Variants in PARN observed in about 807,000 individuals in gnomAD.
PARN encodes the protein poly(A)-specific ribonuclease PARN.
A neutral mutation model predicts 102.8 loss-of-function variants in PARN; 71 were observed. The ratio of observed to expected loss-of-function variants is 0.69; its 90% CI spans 0.57 to 0.84. The LOEUF (loss-of-function observed/expected upper bound fraction) is 0.84, where lower values mean the gene tolerates loss of function less well. Ranked by LOEUF, PARN falls within the 40% of genes least tolerant of loss-of-function variation. The pLI, the probability that PARN is intolerant of heterozygous loss-of-function variation, is 0.00. For synonymous variants in PARN, 261 were observed against 252.9 expected, an observed-to-expected ratio of 1.03 and a Z score of -0.30; for missense variants, 782 against 760.9, an observed-to-expected ratio of 1.03 and a Z score of -0.33.
chr16:14,597,246 T>A (rs1294503491), intron 12 of PARN, among the ~76,000 whole-genome samples: 1 of 152,242 alleles, frequency 6.6e-6, no homozygotes, highest in Non-Finnish European at 1.5e-5. Context: ...AGGATTTTCA[T>A]GGTCTCAAAG....
At chr16:14,436,850 C>T (rs1960727377) in intron 23 of PARN, 78 bp from the exon 24 acceptor site, 1 of 1,049,678 alleles carries the variant, frequency 9.5e-7, no homozygotes, top group East Asian at 2.6e-5. Flanking sequence ...GACCAGCAGA[C>T]AGACAGAGGG....
intron 1 of PARN, 49 bp from the exon 2 acceptor site, chr16:14,629,723 C>G: frequency 1.4e-6 from 2 of 1,395,840 alleles, no homozygotes; most frequent in Non-Finnish European, 2.0e-6. Context: ...TGAATTCCTG[C>G]TAAGGGGAGA....
At chr16:14,466,785 A>G (rs1962386172) in intron 22 of PARN, among the ~76,000 whole-genome samples, 1 of 151,724 alleles carries the variant, frequency 6.6e-6, no homozygotes, top group African/African-American at 2.4e-5. Context: ...TACCTAAACA[A>G]CAAACTTTAT....
At chr16:14,443,547 C>A (rs1281887782) in intron 23 of PARN, among the ~76,000 whole-genome samples, 3 of 152,112 alleles carry the variant, frequency 2.0e-5, no homozygotes, top group Non-Finnish European at 2.9e-5. Context: ...CCATGTTGGC[C>A]AGGCTGGTCT....
chr16:14,609,158 C>T (rs1052632577), intron 7 of PARN, 35 bp from the exon 8 acceptor site: 1 of 1,029,480 alleles, frequency 9.7e-7, no homozygotes, highest in Non-Finnish European at 1.5e-6. Flanking sequence ...CCATCAGTAC[C>T]TTTAAGGAAT....
chr16:14,625,023 AG>A (rs1972557742), intron 5 of PARN, among the ~76,000 whole-genome samples: 1 of 152,046 alleles, frequency 6.6e-6, no homozygotes, highest in Non-Finnish European at 1.5e-5. Context: ...CAAAAAAAAA[AG>A]AACAAAGTGC....
intron 21 of PARN, among the ~76,000 whole-genome samples, chr16:14,538,142 A>G (rs1966692992): frequency 6.6e-6 from 1 of 152,120 alleles, no homozygotes; most frequent in African/African-American, 2.4e-5. Flanking sequence ...GAAACAGGAA[A>G]TACCAAAATT....
At chr16:14,444,380 T>C (rs1479323243) in intron 23 of PARN, among the ~76,000 whole-genome samples, 1 of 152,046 alleles carries the variant, frequency 6.6e-6, no homozygotes, top group African/African-American at 2.4e-5. Context: ...CTTGTGGCAG[T>C]GACAGCTTTA....
At chr16:14,519,489 C>G (rs1965629943) in intron 21 of PARN, among the ~76,000 whole-genome samples, 1 of 152,052 alleles carries the variant, frequency 6.6e-6, no homozygotes, top group Non-Finnish European at 1.5e-5. Flanking sequence ...GGAACCAGAG[C>G]TCTTTGTAGA....
At chr16:14,439,969 C>T (rs1160836129) in intron 23 of PARN, among the ~76,000 whole-genome samples, 5 of 152,070 alleles carry the variant, frequency 3.3e-5, no homozygotes, top group Admixed American at 3.3e-4. Flanking sequence ...GAGCCGAAAT[C>T]GTGCCACTGC....
intron 11 of PARN, among the ~76,000 whole-genome samples, chr16:14,601,558 G>C (rs1402550758): frequency 6.6e-6 from 1 of 152,152 alleles, no homozygotes; most frequent in African/African-American, 2.4e-5. Flanking sequence ...TAAACTACTT[G>C]ATGTCACTGA....
chr16:14,502,897 G>C (rs1178861162), intron 21 of PARN, among the ~76,000 whole-genome samples: 1 of 152,094 alleles, frequency 6.6e-6, no homozygotes, highest in African/African-American at 2.4e-5. Flanking sequence ...TAACTTCTTA[G>C]GGCATGGATT....
chr16:14,556,917 C>G (rs1385744672), intron 18 of PARN, among the ~76,000 whole-genome samples: 2 of 152,058 alleles, frequency 1.3e-5, no homozygotes, highest in Non-Finnish European at 2.9e-5. Flanking sequence ...AAGCACCAAA[C>G]AAAACAATCC....
chr16:14,615,998 CT>C (rs1172902655), intron 6 of PARN, among the ~76,000 whole-genome samples: 2 of 151,354 alleles, frequency 1.3e-5, no homozygotes, highest in African/African-American at 4.9e-5. Flanking sequence ...AGTCCATGTA[CT>C]TTTTTTTGAG....
At chr16:14,519,619 C>T (rs1002397661) in intron 21 of PARN, among the ~76,000 whole-genome samples, 5 of 152,054 alleles carry the variant, frequency 3.3e-5, no homozygotes, top group Non-Finnish European at 5.9e-5. Flanking sequence ...ATTTGCAACA[C>T]TGGGAGAACT....
chr16:14,582,583 C>T (rs1163506765), intron 16 of PARN, among the ~76,000 whole-genome samples: 2 of 151,834 alleles, frequency 1.3e-5, no homozygotes, highest in Non-Finnish European at 2.9e-5. Context: ...CCATAACTCA[C>T]TCTAGGACAA....
intron 18 of PARN, among the ~76,000 whole-genome samples, chr16:14,562,467 A>G (rs1413634929): frequency 1.3e-5 from 2 of 151,462 alleles, no homozygotes; most frequent in Non-Finnish European, 2.9e-5. Context: ...GAATAAAAAA[A>G]AGAAAAACAT....
At chr16:14,559,827 C>A (rs1378860874) in intron 18 of PARN, among the ~76,000 whole-genome samples, 5 of 152,146 alleles carry the variant, frequency 3.3e-5, no homozygotes, top group Admixed American at 2.6e-4. Flanking sequence ...CTGAATAGCT[C>A]CAAAACCCGG....
At chr16:14,447,386 G>A (rs887278696) in intron 22 of PARN, among the ~76,000 whole-genome samples, 1 of 152,148 alleles carries the variant, frequency 6.6e-6, no homozygotes, top group African/African-American at 2.4e-5. Context: ...TAAAACTATT[G>A]TAACAGAATA....
Sources: allele counts gnomAD v4.1 joint callset (sites outside exome capture counted in the v4.1 genomes callset), GRCh38; gene constraint gnomAD v4.1.1; transcripts MANE v1.5; gene names NCBI Gene and HGNC (gene_info 2026-07-23, HGNC 2026-07-21).